The following PAPPA2 variants were observed in gnomAD, a reference collection of about 807,000 sequenced individuals.
The protein encoded by PAPPA2 is pappalysin 2.
Under a neutral mutation model 176.4 loss-of-function variants are expected in PAPPA2, and 86 were observed. The observed-to-expected ratio is 0.49, with a 90% CI of 0.41 to 0.58. The LOEUF is 0.58. Ranked by LOEUF, PAPPA2 falls within the 20% of genes least tolerant of loss-of-function variation. PAPPA2 has a pLI of 0.00. For missense variants in PAPPA2, 2,073 were observed against 2,256.9 expected, an observed-to-expected ratio of 0.92 and a Z score of 1.65; for synonymous variants, 809 against 852.2, an observed-to-expected ratio of 0.95 and a Z score of 0.88.
At chr1:176,767,624 G>A (rs1664040036) in intron 15 of PAPPA2, among the ~76,000 whole-genome samples, 1 of 152,210 alleles carries the variant, frequency 6.6e-6, no homozygotes, top group Non-Finnish European at 1.5e-5. Context: ...GGGATTACAG[G>A]TGTGAGCCAC....
intron 4 of PAPPA2, among the ~76,000 whole-genome samples, chr1:176,681,025 T>C (rs900740827): frequency 1.3e-5 from 2 of 151,846 alleles, no homozygotes; most frequent in Admixed American, 6.6e-5. Flanking sequence ...CAGTTTGTTT[T>C]TGGATATGTT....
chr1:176,516,968 G>A (rs953714875), intron 1 of PAPPA2, among the ~76,000 whole-genome samples: 3 of 152,120 alleles, frequency 2.0e-5, no homozygotes, highest in African/African-American at 7.2e-5. Context: ...GGTTCTCCAA[G>A]TTTCTGTTCT....
chr1:176,644,897 A>G (rs569749524), intron 3 of PAPPA2, among the ~76,000 whole-genome samples: 4 of 151,970 alleles, frequency 2.6e-5, no homozygotes, highest in East Asian at 1.9e-4. Flanking sequence ...TTATGGAACC[A>G]GGAAAGAGCA....
intron 12 of PAPPA2, among the ~76,000 whole-genome samples, chr1:176,736,539 A>G (rs1558552070): frequency 6.8e-6 from 1 of 146,950 alleles, no homozygotes; most frequent in African/African-American, 2.5e-5. Flanking sequence ...TATATTTTTA[A>G]ATATATATCT....
At chr1:176,494,812 C>A (rs977649565) in intron 1 of PAPPA2, among the ~76,000 whole-genome samples, 7 of 152,184 alleles carry the variant, frequency 4.6e-5, no homozygotes, top group Non-Finnish European at 1.5e-5. Context: ...AAGCCGGATG[C>A]AAATTTAATG....
At chr1:176,470,930 A>G (rs1232409395) in intron 1 of PAPPA2, among the ~76,000 whole-genome samples, 2 of 152,194 alleles carry the variant, frequency 1.3e-5, no homozygotes, top group East Asian at 3.9e-4. Flanking sequence ...CTTTAGTTCC[A>G]AGTCCCCAGT....
At chr1:176,730,666 G>A (rs1662101960) in intron 12 of PAPPA2, among the ~76,000 whole-genome samples, 1 of 150,806 alleles carries the variant, frequency 6.6e-6, no homozygotes, top group Non-Finnish European at 1.5e-5. Context: ...TGTTTGTCTG[G>A]ATTTACACTG....
At chr1:176,807,409 G>A (rs1665949914) in intron 21 of PAPPA2, among the ~76,000 whole-genome samples, 1 of 151,888 alleles carries the variant, frequency 6.6e-6, no homozygotes, top group Admixed American at 6.6e-5. Context: ...TGTCAGAAAA[G>A]CCAAGCAGTA....
chr1:176,694,984 G>GCT (rs1314177466), intron 6 of PAPPA2, among the ~76,000 whole-genome samples: 2 of 152,332 alleles, frequency 1.3e-5, no homozygotes, highest in African/African-American at 4.8e-5. Context: ...GAGGCTAAGT[G>GCT]CTACTGCAGA....
intron 12 of PAPPA2, among the ~76,000 whole-genome samples, chr1:176,721,665 T>A (rs1041973498): frequency 2.6e-5 from 4 of 152,178 alleles, no homozygotes; most frequent in Non-Finnish European, 5.9e-5. Flanking sequence ...GAAGGCCATG[T>A]CTTTTATTCC....
Position 176,665,703 on chromosome 1 carries a change from C to T in PAPPA2, c.1992-5267C>T, listed in dbSNP as rs114859403. Reference sequence around the variant, plus strand: ...TCTTGTCCTTGATTTTTAAATCTTTCCATGGACACAGGCATATACTTTCTC... The same window carrying T: ...TCTTGTCCTTGATTTTTAAATCTTTTCATGGACACAGGCATATACTTTCTC... On this transcript the variant is annotated intron_variant, in intron 3 of 22. Transcript: ENST00000367662. 8.2e-3 allele frequency among the ~76,000 whole-genome samples: 1,250 copies of T among 152,272 alleles called. 16 individuals carry two copies. The highest frequency in any genetic ancestry group is 0.026 in the African/African-American group (1,095 of 41,554).
At position 176,595,384 on chromosome 1, in the gene PAPPA2, G is replaced by A; in HGVS notation, c.1780G>A (p.Asp594Asn). Residue 594 changes from aspartate (D) to asparagine (N), a missense_variant, in exon 3 of 23, where the codon GAC becomes AAC. By Grantham distance (23) the Asp-to-Asn change is conservative. This residue lies in a region of PAPPA2 where 1,196 missense variants were observed against 1,330.4 expected (regional missense o/e 0.90). Transcript: ENST00000367662. ...VNCEPSKIGNDHCDPECEHPL... is the reference protein window; with the variant it reads ...VNCEPSKIGNNHCDPECEHPL... ...CTGTGAGCCCAGCAAGATTGGCAAT[G>A]ACCATTGTGACCCCGAGTGTGAGCA... 6.2e-7 allele frequency: 1 copy of A among 1,614,208 alleles called. No individual in the cohort carries two copies. Among genetic ancestry groups the A allele is most frequent in the Non-Finnish European group, 8.5e-7 (1 of 1,180,040 alleles).
intron 1 of PAPPA2, among the ~76,000 whole-genome samples, chr1:176,473,980 A>G (rs1652003164): frequency 6.6e-6 from 1 of 152,158 alleles, no homozygotes; most frequent in South Asian, 2.1e-4. Context: ...TAGACTTCTG[A>G]TATTTGATGG....
chr1:176,540,365 ACT>A (rs1413759060), intron 1 of PAPPA2, among the ~76,000 whole-genome samples: 1 of 152,080 alleles, frequency 6.6e-6, no homozygotes, highest in African/African-American at 2.4e-5. Flanking sequence ...CTCAAAAATC[ACT>A]CTGTCTTTGA....
chr1:176,706,492 A>G (rs1660888719), intron 10 of PAPPA2, 42 bp downstream of exon 10: 1 of 1,555,520 alleles, frequency 6.4e-7, no homozygotes, highest in African/African-American at 1.4e-5. Context: ...TCCTACTTTT[A>G]GAGGTGTATT....
chr1:176,513,158 TATCATC>T lies in PAPPA2; in HGVS notation c.-916-42217_-916-42212del, dbSNP rs66771117. 6.7e-4 allele frequency among the ~76,000 whole-genome samples: 100 copies of T among 149,638 alleles called. 1 individual carries two copies. Among genetic ancestry groups the T allele is most frequent in the East Asian group, 1.2e-3 (6 of 5,076 alleles). The stretch of plus-strand genomic sequence containing the variant: ...CCATTCTTTATTATACATTTCTGTC[TATCATC>T]ATCATCATCATCATCATCATCATCA... On this transcript the variant is annotated intron_variant, in intron 1 of 22. Transcript: ENST00000367662.
intron 14 of PAPPA2, among the ~76,000 whole-genome samples, chr1:176,751,292 A>C (rs1056391513): frequency 1.3e-5 from 2 of 151,972 alleles, no homozygotes; most frequent in Non-Finnish European, 2.9e-5. Context: ...CAAGGACTTC[A>C]TGTCCAAAAC....
intron 6 of PAPPA2, among the ~76,000 whole-genome samples, chr1:176,694,574 T>G (rs564242862): frequency 6.6e-6 from 1 of 152,384 alleles, no homozygotes; most frequent in Non-Finnish European, 1.5e-5. Context: ...ATTGAGACCC[T>G]GACTTGATGC....
Position 176,800,276 on chromosome 1 carries a change from C to T in PAPPA2, c.5202+144C>T, listed in dbSNP as rs182044331. The T allele has an allele frequency of 7.5e-4, 567 of 754,128 alleles. 3 individuals are homozygous for T. Among genetic ancestry groups the T allele is most frequent in the African/African-American group, 2.6e-3 (147 of 55,656 alleles). 46.7% of individuals were successfully genotyped at this position (754,128 alleles called of 1,614,324 possible). On this transcript the variant is annotated intron_variant, in intron 21 of 22. Transcript: ENST00000367662. ...AACTTCTTAAATTAAGTTGGTTCCA[C>T]GATCTTAAATTTACAGAAATTAGGA...
Sources: gnomAD v4.1 joint callset for allele counts (sites outside exome capture counted in the v4.1 genomes callset) on GRCh38, gnomAD v4.1.1 for gene constraint, gnomAD v4.1.1 regional missense constraint, MANE v1.5 for transcripts, NCBI Gene and HGNC (gene_info 2026-07-23, HGNC 2026-07-21) for gene names.